The following TOPAZ1 variants were observed in gnomAD, a reference collection of about 807,000 sequenced individuals.
TOPAZ1 encodes the protein protein TOPAZ1.
A neutral mutation model predicts 172.2 loss-of-function variants in TOPAZ1; 66 were observed. The ratio of observed to expected loss-of-function variants is 0.38; its 90% CI spans 0.31 to 0.47. TOPAZ1 has a LOEUF of 0.47. TOPAZ1 is among the 20% of genes least tolerant of loss of function. The pLI is 0.99. For synonymous variants in TOPAZ1, 681 were observed against 683.9 expected (o/e 1.00, Z 0.07); for missense variants, 1,822 against 1,972.4 (o/e 0.92, Z 1.44).
chr3:44,245,471 A>G (rs955552274), intron 2 of TOPAZ1, among the ~76,000 whole-genome samples, 200 bp downstream of exon 2: 3 of 149,026 alleles, frequency 2.0e-5, no homozygotes, highest in African/African-American at 5.0e-5. Context: ...ATAATGAATT[A>G]TATGTATCTT....
At position 44,256,885 on chromosome 3, in the gene TOPAZ1, G is replaced by T. The variant is rs185453065; in HGVS notation, c.2955+607G>T. ...AGAGGCTAAGTAGATTGACTTACGGGACATATGCCTGGCCTTCTTTTCTGC... is the reference window on the plus strand; with the variant it reads ...AGAGGCTAAGTAGATTGACTTACGGTACATATGCCTGGCCTTCTTTTCTGC... On this transcript the variant is annotated intron_variant, in intron 4 of 19. Transcript: ENST00000309765. Among the ~76,000 whole-genome samples the T allele has an allele frequency of 2.6e-3, 399 of 152,218 alleles. 5 individuals carry two copies. The highest frequency in any genetic ancestry group is 9.3e-3 in the African/African-American group (386 of 41,530).
intron 12 of TOPAZ1, among the ~76,000 whole-genome samples, chr3:44,296,374 C>A (rs1223898268): frequency 1.3e-5 from 2 of 151,136 alleles, no homozygotes; most frequent in Non-Finnish European, 2.9e-5. Flanking sequence ...AAACAAAAAG[C>A]TGTTTGTTTG....
Position 44,243,717 on chromosome 3 carries a change from AAG to A in TOPAZ1, c.1213_1214del (p.Glu405AsnfsTer4). 1 of 1,550,856 alleles carries A rather than the reference AAG, an allele frequency of 6.4e-7. No homozygotes were observed. Among genetic ancestry groups the A allele is most frequent in the East Asian group, 2.4e-5 (1 of 40,912 alleles). On this transcript the variant is annotated frameshift_variant, in exon 2 of 20. Coordinates refer to ENST00000309765, the MANE Select transcript of TOPAZ1 (RefSeq NM_001145030.2). LOFTEE classifies it high-confidence loss of function. ...TTAAGTGTCCCAGAAACAGTAGAAA[AAG>A]AAACAAGTTCTGAACATCATGTAAA...
At chr3:44,281,648 G>A (rs115594954) in intron 8 of TOPAZ1, among the ~76,000 whole-genome samples, 1,757 of 152,202 alleles carry the variant, frequency 0.012, 38 homozygotes, top group African/African-American at 0.04. Context: ...TCTTTTCCCC[G>A]CTACACTACA....
chr3:44,253,396 C>T (rs966920854), intron 2 of TOPAZ1, among the ~76,000 whole-genome samples: 3 of 152,086 alleles, frequency 2.0e-5, no homozygotes, highest in African/African-American at 7.2e-5. Flanking sequence ...GCCAAAAGAA[C>T]GTGGTGACTT....
chr3:44,292,045 A>G (rs963260572), intron 12 of TOPAZ1, among the ~76,000 whole-genome samples: 1 of 152,180 alleles, frequency 6.6e-6, no homozygotes, highest in African/African-American at 2.4e-5. Context: ...CTTATTTAAC[A>G]AGCTTAAACT....
intron 4 of TOPAZ1, among the ~76,000 whole-genome samples, 180 bp from the exon 5 acceptor site, chr3:44,262,239 A>G (rs905261216): frequency 2.0e-5 from 3 of 152,174 alleles, no homozygotes; most frequent in African/African-American, 7.2e-5. Context: ...AGCAGTGGAA[A>G]TTTTAAAGTC....
chr3:44,272,265 A>C (rs1699906819), intron 8 of TOPAZ1, among the ~76,000 whole-genome samples: 1 of 152,210 alleles, frequency 6.6e-6, no homozygotes, highest in African/African-American at 2.4e-5. Context: ...AATACACAGA[A>C]GTGAGATTGC....
At position 44,328,344 on chromosome 3, in the gene TOPAZ1, C is replaced by G. The variant is rs1380687946; in HGVS notation, c.4770C>G (p.Leu1590=). Residue 1590 remains leucine (L), a synonymous_variant, in exon 19 of 20, where the codon CTC becomes CTG. Coordinates refer to ENST00000309765, the MANE Select transcript of TOPAZ1 (RefSeq NM_001145030.2). ...IPSYLSEIEM[L]LAIEIFMVSN... Reference sequence around the variant, plus strand: ...CTTATTTATCTGAGATTGAAATGCTCTTAGCTATTGAAATCTTCATGGTAT... The same window carrying G: ...CTTATTTATCTGAGATTGAAATGCTGTTAGCTATTGAAATCTTCATGGTAT... 1.3e-6 allele frequency: 2 copies of G among 1,521,942 alleles called. No homozygotes were observed. Among genetic ancestry groups the G allele is most frequent in the Non-Finnish European group, 1.8e-6 (2 of 1,134,896 alleles). The allele number at this position is 1,521,942 out of a possible 1,614,324, so 94.3% of individuals were successfully genotyped here. A position where few individuals can be genotyped will look rare whatever the true frequency, so the allele number is the denominator to read the frequency against.
chr3:44,289,566 G>T (rs188847720), intron 11 of TOPAZ1, among the ~76,000 whole-genome samples: 102 of 152,196 alleles, frequency 6.7e-4, no homozygotes, highest in Non-Finnish European at 1.9e-4. Flanking sequence ...TTCAAAAGGG[G>T]CCGAGTACCA....
At chr3:44,261,671 G>GT (rs1699777041) in intron 4 of TOPAZ1, among the ~76,000 whole-genome samples, 1 of 152,120 alleles carries the variant, frequency 6.6e-6, no homozygotes, top group East Asian at 1.9e-4. Flanking sequence ...TTTTAAAATA[G>GT]TTTTTTCTAG....
chr3:44,294,431 G>A (rs1420696280), intron 12 of TOPAZ1, among the ~76,000 whole-genome samples: 3 of 152,084 alleles, frequency 2.0e-5, no homozygotes, highest in Admixed American at 6.6e-5. Flanking sequence ...AAAAAAAGTA[G>A]TATGTTATTT....
chr3:44,327,610 A>G (rs2125706943), intron 18 of TOPAZ1, among the ~76,000 whole-genome samples: 1 of 152,352 alleles, frequency 6.6e-6, no homozygotes, highest in Non-Finnish European at 1.5e-5. Flanking sequence ...TAATGGTACT[A>G]TAAATAACTG....
chr3:44,292,366 G>A (rs1465570787), intron 12 of TOPAZ1, among the ~76,000 whole-genome samples: 1 of 152,156 alleles, frequency 6.6e-6, no homozygotes, highest in African/African-American at 2.4e-5. Context: ...AGGGTGCATT[G>A]ATGTTGTCTT....
Position 44,266,065 on chromosome 3 carries a change from G to A in TOPAZ1, c.3021-932G>A, listed in dbSNP as rs150772935. Among the ~76,000 whole-genome samples, 633 of 152,260 alleles carry A rather than the reference G, an allele frequency of 4.2e-3. 9 individuals carry two copies. The highest frequency in any genetic ancestry group is 0.014 in the African/African-American group (599 of 41,538). On this transcript the variant is annotated intron_variant, in intron 5 of 19. Transcript: ENST00000309765. Reference sequence around the variant, plus strand: ...TTAGCAAGTTGACCTTGCACTTCCTGTTTGACCTTGCACTTCTATGTTACA... The same window carrying A: ...TTAGCAAGTTGACCTTGCACTTCCTATTTGACCTTGCACTTCTATGTTACA...
chr3:44,258,079 T>C (rs1311580491), intron 4 of TOPAZ1, among the ~76,000 whole-genome samples: 1 of 152,232 alleles, frequency 6.6e-6, no homozygotes, highest in African/African-American at 2.4e-5. Flanking sequence ...ATTTCCTCCT[T>C]CTACTTAGTT....
At chr3:44,305,565 T>C (rs988373945) in intron 14 of TOPAZ1, among the ~76,000 whole-genome samples, 1 of 152,108 alleles carries the variant, frequency 6.6e-6, no homozygotes, top group Non-Finnish European at 1.5e-5. Flanking sequence ...ACACAGAATC[T>C]TGCTTCATTG....
chr3:44,259,814 T>C (rs1299047589), intron 4 of TOPAZ1, among the ~76,000 whole-genome samples: 19 of 152,232 alleles, frequency 1.2e-4, no homozygotes, highest in Admixed American at 1.2e-3. Context: ...ATTTCTCTTA[T>C]GAGTCTAGTT....
At position 44,297,065 on chromosome 3, in the gene TOPAZ1, A is replaced by T. The variant is rs112017534; in HGVS notation, c.3797+6179A>T. On this transcript the variant is annotated intron_variant, in intron 12 of 19. Coordinates refer to ENST00000309765, the MANE Select transcript of TOPAZ1 (RefSeq NM_001145030.2). ...ACATGCCTGTAATCCCAGCTACTTGATAGGCTAAGGCAGGAGAATCACTTG... is the reference window on the plus strand; with the variant it reads ...ACATGCCTGTAATCCCAGCTACTTGTTAGGCTAAGGCAGGAGAATCACTTG... 6.5e-3 allele frequency among the ~76,000 whole-genome samples: 985 copies of T among 151,504 alleles called. 2 individuals carry two copies. Among genetic ancestry groups the T allele is most frequent in the Non-Finnish European group, 0.011 (719 of 67,808 alleles).
Sources: allele counts gnomAD v4.1 joint callset (sites outside exome capture counted in the v4.1 genomes callset), GRCh38; gene constraint gnomAD v4.1.1; transcripts MANE v1.5; gene names NCBI Gene and HGNC (gene_info 2026-07-23, HGNC 2026-07-21).